Variants in VPS54 observed in about 807,000 individuals in gnomAD.
VPS54 encodes vacuolar protein sorting-associated protein 54.
VPS54 carries 45 observed loss-of-function variants against 121.5 expected under a neutral mutation model. The observed-to-expected ratio is 0.37, with a 90% CI of 0.29 to 0.47. The LOEUF (loss-of-function observed/expected upper bound fraction) is 0.47, where lower values mean the gene tolerates loss of function less well. VPS54 is among the 20% of genes least tolerant of loss of function. The pLI, the probability that VPS54 is intolerant of heterozygous loss-of-function variation, is 0.99. For synonymous variants in VPS54, 371 were observed against 385.8 expected (o/e 0.96, Z 0.45); for missense variants, 1,090 against 1,131.4 (o/e 0.96, Z 0.52).
chr2:63,928,936 T>C (rs1460527091), intron 12 of VPS54, among the ~76,000 whole-genome samples: 1 of 150,854 alleles, frequency 6.6e-6, no homozygotes, highest in Non-Finnish European at 1.5e-5. Context: ...CATTATATAA[T>C]GGTAAAGGGA....
chr2:63,929,100 G>T (rs895017122), intron 12 of VPS54, among the ~76,000 whole-genome samples: 2 of 152,054 alleles, frequency 1.3e-5, no homozygotes, highest in Non-Finnish European at 1.5e-5. Context: ...GTCAATATTA[G>T]ATCAACACGA....
At chr2:63,897,305 A>T (rs996750053) in intron 22 of VPS54, among the ~76,000 whole-genome samples, 191 bp downstream of exon 22, 1 of 144,550 alleles carries the variant, frequency 6.9e-6, no homozygotes, top group Non-Finnish European at 1.6e-5. Flanking sequence ...TTGTCCATGT[A>T]TAAACCCCTT....
chr2:63,997,836 A>G (rs954604083), intron 1 of VPS54, among the ~76,000 whole-genome samples: 6 of 152,014 alleles, frequency 3.9e-5, no homozygotes, highest in African/African-American at 1.4e-4. Flanking sequence ...ACTTATAGCT[A>G]TAAACTTTCC....
At chr2:64,002,124 T>C (rs1257402918) in intron 1 of VPS54, among the ~76,000 whole-genome samples, 2 of 152,184 alleles carry the variant, frequency 1.3e-5, no homozygotes, top group South Asian at 4.1e-4. Flanking sequence ...TTTGCTGTTA[T>C]AGTGCATTCA....
intron 3 of VPS54, chr2:63,975,068 CAG>C: frequency 3.9e-6 from 6 of 1,541,078 alleles, no homozygotes; most frequent in Middle Eastern, 2.0e-4. Context: ...TTTTTTGAGA[CAG>C]AGTCTCACTC....
At chr2:63,896,443 A>T (rs1357633679) in intron 22 of VPS54, among the ~76,000 whole-genome samples, 3 of 152,188 alleles carry the variant, frequency 2.0e-5, no homozygotes, top group Non-Finnish European at 4.4e-5. Context: ...AGTGTTCATT[A>T]TTGTCCTTTA....
intron 12 of VPS54, among the ~76,000 whole-genome samples, chr2:63,923,888 C>T (rs1315230829): frequency 6.6e-6 from 1 of 152,186 alleles, no homozygotes; most frequent in African/African-American, 2.4e-5. Context: ...TTATATACCA[C>T]AAAAACACTT....
At chr2:63,967,531 C>T (rs993711159) in intron 5 of VPS54, among the ~76,000 whole-genome samples, 3 of 151,596 alleles carry the variant, frequency 2.0e-5, no homozygotes, top group Non-Finnish European at 2.9e-5. Context: ...CTAGCCTGGC[C>T]AACGTGGCAA....
At chr2:63,919,791 T>C (rs374830945) in intron 15 of VPS54, 92 bp downstream of exon 15, 66 of 829,802 alleles carry the variant, frequency 8.0e-5, no homozygotes, top group African/African-American at 6.2e-4. Context: ...AGCTTTGAAA[T>C]AGGCATTGTC....
At chr2:63,975,107 G>A (rs1559033063) in intron 3 of VPS54, 31 of 1,393,474 alleles carry the variant, frequency 2.2e-5, no homozygotes, top group South Asian at 2.7e-5. Flanking sequence ...GTGCAGTGGC[G>A]TGATCTTGGT....
intron 11 of VPS54, among the ~76,000 whole-genome samples, chr2:63,941,200 C>G (rs1674712736): frequency 6.6e-6 from 1 of 151,982 alleles, no homozygotes; most frequent in Non-Finnish European, 1.5e-5. Flanking sequence ...ATGGTAATTC[C>G]TAATGATTGT....
intron 20 of VPS54, among the ~76,000 whole-genome samples, chr2:63,905,701 T>C (rs918777692): frequency 2.0e-5 from 3 of 152,114 alleles, no homozygotes; most frequent in Admixed American, 1.3e-4. Context: ...ATTACTCTGA[T>C]ACCAAAATCA....
intron 20 of VPS54, among the ~76,000 whole-genome samples, chr2:63,909,820 G>C (rs1289370916): frequency 6.7e-6 from 1 of 150,022 alleles, no homozygotes; most frequent in Non-Finnish European, 1.5e-5. Flanking sequence ...TGCTTCCTGA[G>C]TTCAAGCAAC....
chr2:64,013,375 T>C (rs1363065752), intron 1 of VPS54, among the ~76,000 whole-genome samples: 4 of 152,070 alleles, frequency 2.6e-5, no homozygotes, highest in South Asian at 2.1e-4. Flanking sequence ...AGGAAGGCGG[T>C]AGGACTAGTC....
intron 1 of VPS54, among the ~76,000 whole-genome samples, chr2:64,012,813 G>T (rs564521792): frequency 6.6e-5 from 10 of 151,934 alleles, no homozygotes; most frequent in South Asian, 2.1e-4. Flanking sequence ...TCTCTTTTTG[G>T]TCTACTTCCT....
chr2:64,016,449 G>C (rs1678696904), intron 1 of VPS54, among the ~76,000 whole-genome samples: 1 of 152,104 alleles, frequency 6.6e-6, no homozygotes, highest in Admixed American at 6.5e-5. Context: ...TATTGAGACA[G>C]AAAGTAGACT....
At chr2:63,907,498 A>T (rs889884851) in intron 20 of VPS54, among the ~76,000 whole-genome samples, 1 of 150,804 alleles carries the variant, frequency 6.6e-6, no homozygotes, top group Admixed American at 6.6e-5. Context: ...AGCCTGGGCA[A>T]CAAGAGAGAA....
At chr2:63,912,214 T>G (rs962057637) in intron 20 of VPS54, 131 bp downstream of exon 20, 2 of 949,630 alleles carry the variant, frequency 2.1e-6, no homozygotes, top group African/African-American at 3.3e-5. Flanking sequence ...AAATTTAAAA[T>G]TCTACTAATT....
chr2:63,938,059 G>GTGGGGTGTGT (rs9309357), intron 11 of VPS54, among the ~76,000 whole-genome samples: 1 of 140,384 alleles, frequency 7.1e-6, no homozygotes, highest in Non-Finnish European at 1.5e-5. Context: ...TGGTGTGTGT[G>GTGGGGTGTGT]GTGTGTGTGT....
Sources: gnomAD v4.1 joint callset for allele counts (sites outside exome capture counted in the v4.1 genomes callset) on GRCh38, gnomAD v4.1.1 for gene constraint, MANE v1.5 for transcripts, NCBI Gene and HGNC (gene_info 2026-07-23, HGNC 2026-07-21) for gene names.